The following PRICKLE1 variants were observed in gnomAD, a reference collection of about 807,000 sequenced individuals.
The protein encoded by PRICKLE1 is prickle-like protein 1.
In PRICKLE1, 14 loss-of-function variants were observed where a neutral mutation model predicts 70.2. The observed-to-expected ratio is 0.20, with a 90% CI of 0.13 to 0.31. PRICKLE1 has a LOEUF of 0.31. PRICKLE1 is among the 10% of genes least tolerant of loss of function. The pLI, the probability that PRICKLE1 is intolerant of heterozygous loss-of-function variation, is 1.00. For synonymous variants in PRICKLE1, 357 were observed against 379.9 expected, an observed-to-expected ratio of 0.94 and a Z score of 0.70; for missense variants, 821 against 1,026.2, an observed-to-expected ratio of 0.80 and a Z score of 2.73.
intron 1 of PRICKLE1, among the ~76,000 whole-genome samples, chr12:42,495,622 G>A (rs1424360180): frequency 1.3e-5 from 2 of 150,338 alleles, no homozygotes; most frequent in Admixed American, 6.6e-5. Flanking sequence ...ATGGAGTCTC[G>A]CTCTGTCGCC....
intron 1 of PRICKLE1, among the ~76,000 whole-genome samples, chr12:42,557,043 C>A (rs1043679273): frequency 6.6e-6 from 1 of 151,568 alleles, no homozygotes; most frequent in Non-Finnish European, 1.5e-5. Context: ...TGGTCTAGCA[C>A]TCCTGGGCTC....
intron 1 of PRICKLE1, among the ~76,000 whole-genome samples, chr12:42,553,370 G>A (rs951299755): frequency 5.9e-5 from 9 of 152,036 alleles, no homozygotes; most frequent in Admixed American, 2.0e-4. Context: ...CGTGAACCGG[G>A]GAGGCAGAGC....
Position 42,472,431 on chromosome 12 carries a change from G to A in PRICKLE1, c.86C>T (p.Ala29Val). 1 of 1,614,074 alleles carries A rather than the reference G, an allele frequency of 6.2e-7. No homozygotes were observed. Among genetic ancestry groups the A allele is most frequent in the African/African-American group, 1.3e-5 (1 of 75,020 alleles). Residue 29 changes from alanine (A) to valine (V), a missense_variant, in exon 2 of 8, where the codon GCA (alanine) becomes GTA (valine). Physicochemically the swap from Ala to Val is moderately conservative, Grantham distance 64 (BLOSUM62 0). Transcript: ENST00000345127. ...GGGGACCCAGGCGTACTCCTCCAAT[G>A]CACAGCCAGAGTCATCATCTGATGT... ...SSTSDDDSGCALEEYAWVPPG... is the reference protein window; with the variant it reads ...SSTSDDDSGCVLEEYAWVPPG...
chr12:42,512,132 A>T (rs1939523178), intron 1 of PRICKLE1, among the ~76,000 whole-genome samples: 1 of 149,836 alleles, frequency 6.7e-6, no homozygotes, highest in South Asian at 2.1e-4. Flanking sequence ...CAAAAAAAAA[A>T]GATAGGGTTC....
intron 1 of PRICKLE1, among the ~76,000 whole-genome samples, chr12:42,515,427 G>A (rs1304574523): frequency 2.0e-5 from 3 of 151,950 alleles, no homozygotes; most frequent in South Asian, 2.1e-4. Context: ...TAGTAGAGAC[G>A]GAGTTTCACC....
At chr12:42,490,442 C>T (rs1237156799) in intron 1 of PRICKLE1, among the ~76,000 whole-genome samples, 1 of 152,126 alleles carries the variant, frequency 6.6e-6, no homozygotes, top group Non-Finnish European at 1.5e-5. Flanking sequence ...AGAAAGATGC[C>T]AAGTTATTCT....
At chr12:42,517,676 T>A (rs1385229780) in intron 1 of PRICKLE1, among the ~76,000 whole-genome samples, 1 of 152,016 alleles carries the variant, frequency 6.6e-6, no homozygotes, top group Non-Finnish European at 1.5e-5. Flanking sequence ...TTTAAGGCCA[T>A]CCTCAAATAC....
At chr12:42,546,558 A>C (rs1300763700) in intron 1 of PRICKLE1, among the ~76,000 whole-genome samples, 1 of 152,160 alleles carries the variant, frequency 6.6e-6, no homozygotes, top group East Asian at 1.9e-4. Flanking sequence ...GTTTGAGATC[A>C]GCCTGGCCAA....
chr12:42,482,570 C>T (rs1394372654), intron 1 of PRICKLE1, among the ~76,000 whole-genome samples: 2 of 152,212 alleles, frequency 1.3e-5, no homozygotes, highest in Non-Finnish European at 2.9e-5. Flanking sequence ...CCTGTTGGCT[C>T]CTGAACAACA....
intron 1 of PRICKLE1, among the ~76,000 whole-genome samples, chr12:42,512,983 T>C (rs993823576): frequency 4.6e-5 from 7 of 151,578 alleles, no homozygotes; most frequent in Non-Finnish European, 8.8e-5. Flanking sequence ...TTGTTATTTT[T>C]ATATGTAGTT....
chr12:42,496,549 T>G (rs909584820), intron 1 of PRICKLE1, among the ~76,000 whole-genome samples: 1 of 152,258 alleles, frequency 6.6e-6, no homozygotes, highest in African/African-American at 2.4e-5. Flanking sequence ...ATGAAAATCC[T>G]AGATGGCATC....
At chr12:42,544,070 AAG>A in intron 1 of PRICKLE1, among the ~76,000 whole-genome samples, 1 of 48,694 alleles carries the variant, frequency 2.1e-5, no homozygotes, top group East Asian at 9.7e-4. Flanking sequence ...GAAGGAAGAG[AAG>A]AAGGGGCTGG....
At chr12:42,555,524 T>G (rs1378389721) in intron 1 of PRICKLE1, among the ~76,000 whole-genome samples, 1 of 152,174 alleles carries the variant, frequency 6.6e-6, no homozygotes, top group Non-Finnish European at 1.5e-5. Flanking sequence ...CAACATATAT[T>G]TACCTGAGTA....
At chr12:42,538,921 T>C (rs1383565217) in intron 1 of PRICKLE1, among the ~76,000 whole-genome samples, 1 of 152,194 alleles carries the variant, frequency 6.6e-6, no homozygotes. Flanking sequence ...TTGCCTTAGA[T>C]TTCCCAAAAG....
At chr12:42,541,282 A>T (rs1158770676) in intron 1 of PRICKLE1, among the ~76,000 whole-genome samples, 1 of 152,116 alleles carries the variant, frequency 6.6e-6, no homozygotes, top group East Asian at 1.9e-4. Flanking sequence ...TTTTGTCCTC[A>T]ATTATCTGGT....
At position 42,456,921 on chromosome 12, in the gene PRICKLE1, C is replaced by G. The variant is rs988140950; in HGVS notation, c.*2888G>C. 3 of 152,110 alleles carry G rather than the reference C, an allele frequency of 2.0e-5. No individual in the cohort carries two copies. Among genetic ancestry groups the G allele is most frequent in the African/African-American group, 7.2e-5 (3 of 41,430 alleles). The allele number at this position is 152,110 out of a possible 1,614,324, so 9.4% of individuals were successfully genotyped here. On this transcript the variant is annotated 3_prime_UTR_variant, in exon 8 of 8. Transcript: ENST00000345127. ...AGACGCAGTGGCTCATGCCTGTAAT[C>G]CCCTGCACTTTGGGAGGCTGAGGCA... is the stretch of plus-strand genomic sequence containing the variant.
In PRICKLE1 at chr12:42,570,130, T is replaced by C. The variant is rs573233832; in HGVS notation, c.-49+19335A>G. On this transcript the variant is annotated intron_variant, in intron 1 of 7. Transcript: ENST00000345127. ...GAGCGGTTATGACCGCCTACCTGAATTACCCTAGATGTTTCAATTAGATAT... is the reference window on the plus strand; with the variant it reads ...GAGCGGTTATGACCGCCTACCTGAACTACCCTAGATGTTTCAATTAGATAT... Among the ~76,000 whole-genome samples the C allele has an allele frequency of 2.6e-5, 4 of 152,358 alleles. No individual in the cohort carries two copies. In the South Asian group the frequency reaches 8.3e-4, roughly 32 times the overall value.
chr12:42,466,608 T>C (rs1274686786), intron 5 of PRICKLE1, among the ~76,000 whole-genome samples: 1 of 152,188 alleles, frequency 6.6e-6, no homozygotes, highest in Non-Finnish European at 1.5e-5. Flanking sequence ...AATAAATGCT[T>C]GCTTTGACTT....
intron 1 of PRICKLE1, among the ~76,000 whole-genome samples, chr12:42,514,574 C>T (rs1335655198): frequency 1.3e-5 from 2 of 152,184 alleles, no homozygotes; most frequent in Non-Finnish European, 2.9e-5. Context: ...TAAATCTGAA[C>T]ACTTATCCAT....
Sources: gnomAD v4.1 joint callset for allele counts (sites outside exome capture counted in the v4.1 genomes callset) on GRCh38, gnomAD v4.1.1 for gene constraint, MANE v1.5 for transcripts, NCBI Gene and HGNC (gene_info 2026-07-23, HGNC 2026-07-21) for gene names.